The following TRMT6 variants were observed in gnomAD, a reference collection of about 807,000 sequenced individuals.
TRMT6 encodes the protein tRNA (adenine(58)-N(1))-methyltransferase non-catalytic subunit TRM6.
TRMT6 carries 34 observed loss-of-function variants against 59.0 expected under a neutral mutation model. That is an observed-to-expected ratio of 0.58 (90% CI 0.44 to 0.77). TRMT6 has a LOEUF of 0.77. TRMT6 is among the 30% of genes least tolerant of loss of function. The pLI, the probability that TRMT6 is intolerant of heterozygous loss-of-function variation, is 0.00. For synonymous variants in TRMT6, 217 were observed against 210.5 expected (o/e 1.03, Z -0.27); for missense variants, 575 against 604.5 (o/e 0.95, Z 0.51).
Position 5,941,056 on chromosome 20 carries a change from A to C in TRMT6, c.1299T>G (p.Tyr433Ter). 1 of 1,613,720 alleles carries C rather than the reference A, an allele frequency of 6.2e-7. No individual in the cohort carries two copies. The highest frequency in any genetic ancestry group is 1.1e-5 in the South Asian group (1 of 91,074). The change falls in exon 10 of 11, where the codon TAT (tyrosine) becomes TAG (stop). Residue 433 changes from tyrosine (Y) to a stop codon, truncating the protein, a stop_gained. Transcript: ENST00000203001. LOFTEE classifies it high-confidence loss of function. ...GACTGGCTGTAAGAACACGTACCTG[A>C]TAATTTCTGAGCCAGGTTTCAGACA... Reference protein sequence around the residue: ...LRLSETWLRNYQVLPDRSHPK... With the variant: ...LRLSETWLRN
chr20:5,946,254 C>T (rs1014494178), intron 2 of TRMT6, 152 bp downstream of exon 2: 4 of 899,946 alleles, frequency 4.4e-6, no homozygotes, highest in Non-Finnish European at 6.8e-6. Flanking sequence ...AAAGGCAGTA[C>T]TTGCTTCACT....
Position 5,948,775 on chromosome 20 carries a change from C to T in TRMT6, c.128+1503G>A, listed in dbSNP as rs375197492. ...ACATTTCCGGACTAAAAGAAACATA[C>T]CCCTCATAAAAGAAACTTTTTATCT... On this transcript the variant is annotated intron_variant, in intron 1 of 10. Transcript: ENST00000203001. 1.3e-4 allele frequency among the ~76,000 whole-genome samples: 20 copies of T among 152,140 alleles called. 1 individual carries two copies. Among genetic ancestry groups the T allele is most frequent in the Middle Eastern group, 3.4e-3 (1 of 294 alleles).
In TRMT6 at chr20:5,938,735, G is replaced by A. The variant is rs1445153393; in HGVS notation, c.1303-9C>T. The A allele has an allele frequency of 1.5e-5, 24 of 1,611,058 alleles. No homozygotes were observed. Among genetic ancestry groups the A allele is most frequent in the South Asian group, 4.4e-5 (4 of 90,884 alleles). ...CTTCGATCTGGCAAAACCTAATCAAGACAGAAAAGACATTCATGCTTTCCT... is the reference window on the plus strand; with the variant it reads ...CTTCGATCTGGCAAAACCTAATCAAAACAGAAAAGACATTCATGCTTTCCT... On this transcript the variant is annotated splice_polypyrimidine_tract_variant and intron_variant, in intron 10 of 10. Coordinates refer to ENST00000203001, the MANE Select transcript of TRMT6 (RefSeq NM_015939.5).
rs1035074644 is a variant in TRMT6, at chr20:5,937,786, A to G, written c.*749T>C. The G allele has an allele frequency of 2.0e-5, 3 of 152,218 alleles. No homozygotes were observed. The highest frequency in any genetic ancestry group is 7.2e-5 in the African/African-American group (3 of 41,452). The allele number at this position is 152,218 out of a possible 1,614,324, so 9.4% of individuals were successfully genotyped here. On this transcript the variant is annotated 3_prime_UTR_variant, in exon 11 of 11. Coordinates refer to ENST00000203001, the MANE Select transcript of TRMT6 (RefSeq NM_015939.5). ...TGTGTGTATATATACCAACATCTAT[A>G]TACATATGTGTGTGTGTGCAAATGT...
At chr20:5,948,644 T>C (rs540253488) in intron 1 of TRMT6, among the ~76,000 whole-genome samples, 2 of 152,060 alleles carry the variant, frequency 1.3e-5, no homozygotes, top group African/African-American at 4.8e-5. Context: ...AATTGGAGAC[T>C]AGCCTAGACA....
intron 1 of TRMT6, among the ~76,000 whole-genome samples, chr20:5,947,732 C>T (rs1002504259): frequency 6.7e-6 from 1 of 148,978 alleles, no homozygotes; most frequent in Non-Finnish European, 1.5e-5. Flanking sequence ...CACCCCCTAT[C>T]CTCATCCTTT....
intron 10 of TRMT6, among the ~76,000 whole-genome samples, chr20:5,938,980 C>T (rs1199096733): frequency 2.0e-5 from 3 of 149,278 alleles, no homozygotes; most frequent in Admixed American, 6.7e-5. Context: ...CACTGTTCCT[C>T]AGGCTGGAGT....
rs2088616221 is a variant in TRMT6 at position 5,937,268 on chromosome 20, A to T, written c.*1267T>A. 6.6e-6 allele frequency: 1 copy of T among 152,258 alleles called. No individual in the cohort carries two copies. The highest frequency in any genetic ancestry group is 1.5e-5 in the Non-Finnish European group (1 of 68,046). 9.4% of individuals were successfully genotyped at this position (152,258 alleles called of 1,614,324 possible). A position where few individuals can be genotyped will look rare whatever the true frequency, so the allele number is the denominator to read the frequency against. ...TATTCTTTAATAGCAATTAGGATAA[A>T]GGACTCAAAATTGTACTTAGTAATC... On this transcript the variant is annotated 3_prime_UTR_variant, in exon 11 of 11. Coordinates refer to ENST00000203001, the MANE Select transcript of TRMT6 (RefSeq NM_015939.5).
chr20:5,939,576 A>G (rs1167949436), intron 10 of TRMT6, among the ~76,000 whole-genome samples: 1 of 151,966 alleles, frequency 6.6e-6, no homozygotes, highest in East Asian at 1.9e-4. Flanking sequence ...TTTCTGGCGG[A>G]GAATGGGTAA....
In TRMT6 at chr20:5,942,742, G is replaced by A. The variant is rs544190283; in HGVS notation, c.712C>T (p.Arg238Trp). The change falls in exon 7 of 11, where the codon CGG becomes TGG. Residue 238 changes from arginine (R) to tryptophan (W), a missense_variant. Arg to Trp is a moderately radical substitution (Grantham distance 101). Transcript: ENST00000203001. ...AATCCAAAACATGCTGTTGCTGCCC[G>A]AACAGGTCCTCCTCCAGGGTATAGC... The part of the protein sequence containing the change: ...IQLYPGGGPV[R>W]AATACFGFPK... 13 of 1,614,008 alleles carry A rather than the reference G, an allele frequency of 8.1e-6. No homozygotes were observed. The highest frequency in any genetic ancestry group is 1.1e-5 in the South Asian group (1 of 91,052).
intron 10 of TRMT6, 68 bp downstream of exon 10, chr20:5,940,985 T>C: frequency 8.4e-7 from 1 of 1,193,422 alleles, no homozygotes; most frequent in Non-Finnish European, 1.3e-6. Context: ...TAATGACTTC[T>C]AGTACTACTG....
intron 10 of TRMT6, among the ~76,000 whole-genome samples, chr20:5,939,251 G>A (rs554524071): frequency 6.6e-6 from 1 of 152,290 alleles, no homozygotes; most frequent in South Asian, 2.1e-4. Context: ...GGGATGCTGA[G>A]GCAGGTGGAT....
chr20:5,938,766 A>G, intron 10 of TRMT6, 40 bp from the exon 11 acceptor site: 2 of 1,581,516 alleles, frequency 1.3e-6, no homozygotes, highest in Non-Finnish European at 1.7e-6. Context: ...TTCCTAAGAC[A>G]ATAAAGTCCA....
Position 5,950,324 on chromosome 20 carries a change from G to A in TRMT6, c.82C>T (p.Leu28=). The part of the protein sequence containing the change: ...HRIRDGDFVV[L]KREDVFKAVQ... ...GCTTTAAACACATCTTCACGTTTCA[G>A]CACCACGAAGTCGCCGTCGCGGATG... The change falls in exon 1 of 11, where the codon CTG becomes TTG. Residue 28 remains leucine, a synonymous_variant. Coordinates refer to ENST00000203001, the MANE Select transcript of TRMT6 (RefSeq NM_015939.5). 2 of 1,613,638 alleles carry A rather than the reference G, an allele frequency of 1.2e-6. No individual in the cohort carries two copies. Among genetic ancestry groups the A allele is most frequent in the Non-Finnish European group, 1.7e-6 (2 of 1,179,948 alleles).
In TRMT6 at chr20:5,950,500, G is replaced by A; in HGVS notation, c.-95C>T. The A allele has an allele frequency of 7.2e-7, 1 of 1,393,826 alleles. No homozygotes were observed. The highest frequency in any genetic ancestry group is 1.4e-5 in the South Asian group (1 of 70,884). The allele number at this position is 1,393,826 out of a possible 1,614,324, so 86.3% of individuals were successfully genotyped here. A position where few individuals can be genotyped will look rare whatever the true frequency, so the allele number is the denominator to read the frequency against. On this transcript the variant is annotated 5_prime_UTR_variant, in exon 1 of 11. Transcript: ENST00000203001. ...CACTTCCCACAACCTGGCGCACTAGGAGCCCTCCGACCGGCACCGCCCCCA... is the reference window on the plus strand; with the variant it reads ...CACTTCCCACAACCTGGCGCACTAGAAGCCCTCCGACCGGCACCGCCCCCA...
In TRMT6 at chr20:5,943,981, A is replaced by G; in HGVS notation, c.509T>C (p.Ile170Thr). ...TCCAGGTTCTCTTGCATAATACATAATTGAAAGAATACGGGTGGATGGCTT... is the reference window on the plus strand; with the variant it reads ...TCCAGGTTCTCTTGCATAATACATAGTTGAAAGAATACGGGTGGATGGCTT... ...VVKPSTRILS[I>T]MYYAREPGKI... Residue 170 changes from isoleucine (I) to threonine (T), a missense_variant, in exon 5 of 11, where the codon ATT (isoleucine) becomes ACT (threonine). Ile to Thr is a moderately conservative substitution (Grantham distance 89). Transcript: ENST00000203001. 1 of 1,610,966 alleles carries G rather than the reference A, an allele frequency of 6.2e-7. No homozygotes were observed. The highest frequency in any genetic ancestry group is 1.3e-5 in the African/African-American group (1 of 74,972).
Position 5,942,733 on chromosome 20 carries a change from T to C in TRMT6, c.721A>G (p.Thr241Ala), listed in dbSNP as rs1227064289. The C allele has an allele frequency of 6.2e-7, 1 of 1,614,098 alleles. No individual in the cohort carries two copies. The highest frequency in any genetic ancestry group is 1.7e-5 in the Admixed American group (1 of 60,018). Reference protein sequence around the residue: ...YPGGGPVRAATACFGFPKSFL... With the variant: ...YPGGGPVRAAAACFGFPKSFL... ...GATTTGGGAAATCCAAAACATGCTG[T>C]TGCTGCCCGAACAGGTCCTCCTCCA... Residue 241 changes from threonine (T) to alanine (A), a missense_variant, in exon 7 of 11, where the codon ACA (threonine) becomes GCA (alanine). Thr to Ala is a moderately conservative substitution (Grantham distance 58). Coordinates refer to ENST00000203001, the MANE Select transcript of TRMT6 (RefSeq NM_015939.5).
intron 3 of TRMT6, among the ~76,000 whole-genome samples, chr20:5,944,471 CAG>C (rs1212865277): frequency 6.6e-6 from 1 of 152,058 alleles, no homozygotes; most frequent in Non-Finnish European, 1.5e-5. Context: ...CGTAAAAGAA[CAG>C]AGATATCCAA....
At position 5,938,641 on chromosome 20, in the gene TRMT6, T is replaced by C. The variant is rs748691624; in HGVS notation, c.1388A>G (p.Asn463Ser). ...LLSGFTVAMD[N>S]LKADTSLKSN... is the part of the protein sequence containing the mutation. Reference sequence around the variant, plus strand: ...TTTGAGGCTGGTGTCTGCTTTAAGGTTGTCCATGGCAACGGTGAAGCCGGA... The same window carrying C: ...TTTGAGGCTGGTGTCTGCTTTAAGGCTGTCCATGGCAACGGTGAAGCCGGA... Residue 463 changes from asparagine (N) to serine (S), a missense_variant, in exon 11 of 11, where the codon AAC (asparagine) becomes AGC (serine). Coordinates refer to ENST00000203001, the MANE Select transcript of TRMT6 (RefSeq NM_015939.5). 4 of 1,614,064 alleles carry C rather than the reference T, an allele frequency of 2.5e-6. No homozygotes were observed. Among genetic ancestry groups the C allele is most frequent in the Admixed American group, 1.7e-5 (1 of 60,004 alleles).
Sources: allele counts gnomAD v4.1 joint callset (sites outside exome capture counted in the v4.1 genomes callset), GRCh38; gene constraint gnomAD v4.1.1; transcripts MANE v1.5; gene names NCBI Gene and HGNC (gene_info 2026-07-23, HGNC 2026-07-21).